Variants in RCAN3 observed in about 807,000 individuals in gnomAD.
RCAN3 encodes regulator of calcineurin 3, also known as calcipressin-3.
A neutral mutation model predicts 21.9 loss-of-function variants in RCAN3; 19 were observed. That is an observed-to-expected ratio of 0.87 (90% confidence interval 0.61 to 1.27). RCAN3 has a LOEUF of 1.27. Ranked by LOEUF, RCAN3 falls within the 50% of genes most tolerant of loss-of-function variation. RCAN3 has a pLI of 0.00. For missense variants in RCAN3, 240 were observed against 300.1 expected (o/e 0.80, Z 1.48); for synonymous variants, 114 against 112.3 (o/e 1.01, Z -0.09).
In RCAN3 at chr1:24,536,219, T is replaced by C. The variant is rs1226529877; in HGVS notation, c.*942T>C. The C allele has an allele frequency of 6.6e-6, 1 of 152,264 alleles. No homozygotes were observed. The highest frequency in any genetic ancestry group is 1.5e-5 in the Non-Finnish European group (1 of 68,050). The allele number at this position is 152,264 out of a possible 1,614,324, so 9.4% of individuals were successfully genotyped here. ...ACGTTTATGTATGTCATTCATGGAC[T>C]TTCAACTAGAAAAGGTAATGATAAG... is the stretch of plus-strand genomic sequence containing the variant. On this transcript the variant is annotated 3_prime_UTR_variant, in exon 5 of 5. Coordinates refer to ENST00000374395, the MANE Select transcript of RCAN3 (RefSeq NM_013441.4).
intron 2 of RCAN3, among the ~76,000 whole-genome samples, chr1:24,528,948 A>G (rs1464048454): frequency 6.6e-6 from 1 of 152,222 alleles, no homozygotes; most frequent in Non-Finnish European, 1.5e-5. Flanking sequence ...ACCAAAAGCA[A>G]GCCTCAAACT....
chr1:24,533,269 T>G lies in RCAN3; in HGVS notation c.541+15T>G. ...ATTGGGACCAGGTAATAAACTTCTA[T>G]TTTTCCTATTTTCTTCCCCAAGAAA... On this transcript the variant is annotated intron_variant, in intron 4 of 4. Coordinates refer to ENST00000374395, the MANE Select transcript of RCAN3 (RefSeq NM_013441.4). 6.6e-7 allele frequency: 1 copy of G among 1,504,490 alleles called. No individual in the cohort carries two copies. The highest frequency in any genetic ancestry group is 2.5e-5 in the East Asian group (1 of 40,734). 93.2% of individuals were successfully genotyped at this position (1,504,490 alleles called of 1,614,324 possible). A position where few individuals can be genotyped will look rare whatever the true frequency, so the allele number is the denominator to read the frequency against.
At chr1:24,516,021 T>C (rs1028521280) in intron 2 of RCAN3, among the ~76,000 whole-genome samples, 1 of 152,072 alleles carries the variant, frequency 6.6e-6, no homozygotes, top group Non-Finnish European at 1.5e-5. Context: ...CAGGTGCCTG[T>C]AATCCCAGCT....
chr1:24,528,069 A>T (rs1452286797), intron 2 of RCAN3, among the ~76,000 whole-genome samples: 1 of 152,068 alleles, frequency 6.6e-6, no homozygotes, highest in Non-Finnish European at 1.5e-5. Context: ...TTTTTTGTGG[A>T]ATTACATAGT....
intron 2 of RCAN3, among the ~76,000 whole-genome samples, chr1:24,528,343 A>G (rs1649447571): frequency 6.6e-6 from 1 of 152,198 alleles, no homozygotes; most frequent in Admixed American, 6.5e-5. Context: ...ATCCCAAAAT[A>G]TCAGTAATCA....
At chr1:24,523,654 T>A in intron 2 of RCAN3, among the ~76,000 whole-genome samples, 1 of 149,184 alleles carries the variant, frequency 6.7e-6, no homozygotes, top group East Asian at 1.9e-4. Flanking sequence ...ATATATTTTT[T>A]TTCTTCAGAT....
intron 2 of RCAN3, among the ~76,000 whole-genome samples, chr1:24,522,476 A>G (rs1223059471): frequency 6.6e-6 from 1 of 152,236 alleles, no homozygotes; most frequent in East Asian, 1.9e-4. Context: ...GTGTTCTGAC[A>G]CTGAAGCCAA....
At chr1:24,529,624 C>T (rs1244727193) in intron 2 of RCAN3, among the ~76,000 whole-genome samples, 1 of 146,670 alleles carries the variant, frequency 6.8e-6, no homozygotes, top group Non-Finnish European at 1.5e-5. Context: ...GATCTTGGCT[C>T]ACTGCAACCT....
At chr1:24,518,527 G>T (rs1648527380) in intron 2 of RCAN3, among the ~76,000 whole-genome samples, 1 of 152,018 alleles carries the variant, frequency 6.6e-6, no homozygotes, top group South Asian at 2.1e-4. Flanking sequence ...TTCTTTGACA[G>T]ATTTGGATTT....
At chr1:24,529,985 C>A (rs1649615260) in intron 2 of RCAN3, among the ~76,000 whole-genome samples, 1 of 141,886 alleles carries the variant, frequency 7.0e-6, no homozygotes, top group African/African-American at 2.7e-5. Context: ...GGCAATATAG[C>A]AAGACCCCAT....
Position 24,530,356 on chromosome 1 carries a change from CAAAAAAA to C in RCAN3, c.196-845_196-839del, listed in dbSNP as rs56914359. 6.7e-4 allele frequency among the ~76,000 whole-genome samples: 55 copies of C among 81,486 alleles called. No individual in the cohort carries two copies. The South Asian group carries it at 8.6e-3, about 13-fold the overall frequency. The allele number at this position is 81,486 out of a possible 152,430, so 53.5% of individuals were successfully genotyped here. ...GGCAACAGAGTGAGACTCTTATCTC[CAAAAAAA>C]AAAAAAAAAAAAAAAAGACAGTCAC... On this transcript the variant is annotated intron_variant, in intron 2 of 4. Transcript: ENST00000374395.
In RCAN3 at chr1:24,515,427, GGTGTGTGTGTGT is replaced by G. The variant is rs67348372; in HGVS notation, c.195+886_195+897del. Among the ~76,000 whole-genome samples, 442 of 146,418 alleles carry G rather than the reference GGTGTGTGTGTGT, an allele frequency of 3.0e-3. 20 individuals carry two copies. The East Asian group carries it at 0.066, about 22-fold the overall frequency. On this transcript the variant is annotated intron_variant, in intron 2 of 4. Transcript: ENST00000374395. ...CATTTATTATTTACCTAGAAAGAGA[GGTGTGTGTGTGT>G]GTGTGTGTGTGTGTGTGTGTGTGTG...
At chr1:24,512,965 C>T (rs1648005649) in intron 1 of RCAN3, among the ~76,000 whole-genome samples, 2 of 152,146 alleles carry the variant, frequency 1.3e-5, no homozygotes, top group Admixed American at 6.5e-5. Context: ...GGACCAGGCG[C>T]GGTGGCTCAC....
intron 1 of RCAN3, among the ~76,000 whole-genome samples, chr1:24,510,160 T>G (rs750242767): frequency 1.3e-5 from 2 of 152,166 alleles, no homozygotes; most frequent in Non-Finnish European, 2.9e-5. Context: ...CAGAGTAGAT[T>G]TAGCACAATT....
In RCAN3 at chr1:24,536,560, T is replaced by A. The variant is rs562135790; in HGVS notation, c.*1283T>A. On this transcript the variant is annotated 3_prime_UTR_variant, in exon 5 of 5. Transcript: ENST00000374395. ...GTCTCATAACTGAGAAGGCTCTGTTTTGGGCCGGGTGGGTCTGCTGGCCTC... is the reference window on the plus strand; with the variant it reads ...GTCTCATAACTGAGAAGGCTCTGTTATGGGCCGGGTGGGTCTGCTGGCCTC... The A allele has an allele frequency of 6.6e-6, 1 of 152,356 alleles. No individual in the cohort carries two copies. The highest frequency in any genetic ancestry group is 6.5e-5 in the Admixed American group (1 of 15,302). The allele number at this position is 152,356 out of a possible 1,614,324, so 9.4% of individuals were successfully genotyped here.
chr1:24,503,711 G>A (rs1647248538), intron 1 of RCAN3, among the ~76,000 whole-genome samples: 1 of 152,226 alleles, frequency 6.6e-6, no homozygotes, highest in Non-Finnish European at 1.5e-5. Flanking sequence ...CTCCTTTAGA[G>A]ATTAGGATTC....
intron 2 of RCAN3, among the ~76,000 whole-genome samples, chr1:24,523,067 CTT>C (rs201973981): frequency 4.3e-5 from 6 of 138,938 alleles, no homozygotes; most frequent in Admixed American, 7.1e-5. Flanking sequence ...TGTACACACA[CTT>C]TTTTTTTTTT....
At position 24,538,605 on chromosome 1, in the gene RCAN3, G is replaced by C. The variant is rs2148918309; in HGVS notation, c.*3328G>C. The C allele has an allele frequency of 6.8e-6, 1 of 147,138 alleles. No individual in the cohort carries two copies. Among genetic ancestry groups the C allele is most frequent in the Admixed American group, 6.7e-5 (1 of 15,004 alleles). 9.1% of individuals were successfully genotyped at this position (147,138 alleles called of 1,614,324 possible). A position where few individuals can be genotyped will look rare whatever the true frequency, so the allele number is the denominator to read the frequency against. The stretch of plus-strand genomic sequence containing the variant: ...TTTTTTTTTTTTATAAGTAGAGACG[G>C]GGTTTCACCACGTTAGCCAGGATGG... On this transcript the variant is annotated 3_prime_UTR_variant, in exon 5 of 5. Coordinates refer to ENST00000374395, the MANE Select transcript of RCAN3 (RefSeq NM_013441.4).
chr1:24,508,708 C>T (rs982873938), intron 1 of RCAN3, among the ~76,000 whole-genome samples: 3 of 152,204 alleles, frequency 2.0e-5, no homozygotes, highest in Admixed American at 6.5e-5. Context: ...TCGCGGGTTT[C>T]GTTACAGATA....
Sources: allele counts gnomAD v4.1 joint callset (sites outside exome capture counted in the v4.1 genomes callset), GRCh38; gene constraint gnomAD v4.1.1; transcripts MANE v1.5; gene names NCBI Gene and HGNC (gene_info 2026-07-23, HGNC 2026-07-21).